Variants in TXNDC8 observed in about 807,000 individuals in gnomAD.
The protein encoded by TXNDC8 is thioredoxin domain containing 8.
TXNDC8 carries 15 observed loss-of-function variants against 12.9 expected under a neutral mutation model. That is an observed-to-expected ratio of 1.16 (90% CI 0.78 to 1.79). TXNDC8 has a LOEUF of 1.79. Among genes scored for constraint, TXNDC8 ranks in the 40% most tolerant of loss-of-function variants. The probability of loss-of-function intolerance (pLI) is 0.00; values close to 1 mark genes in which losing one functional copy is unlikely to be tolerated. For missense variants in TXNDC8, 128 were observed against 113.2 expected, an observed-to-expected ratio of 1.13 and a Z score of -0.59; for synonymous variants, 40 against 35.4, an observed-to-expected ratio of 1.13 and a Z score of -0.46.
At chr9:110,303,469 T>C, downstream of TXNDC8, 1 of 1,502,412 alleles carries the variant, frequency 6.7e-7, no homozygotes, top group Non-Finnish European at 9.0e-7. Context: ...CACAAACACA[T>C]TTGCTCTTGC....
intron 3 of TXNDC8, among the ~76,000 whole-genome samples, chr9:110,306,056 G>A (rs1298142228): frequency 2.0e-5 from 3 of 151,900 alleles, no homozygotes; most frequent in African/African-American, 7.3e-5. Flanking sequence ...TAGCAGAAAC[G>A]GGCTTTCACC....
rs60564039 is a variant in TXNDC8 at position 110,321,724 on chromosome 9, G to GAAAAA, written c.195+4446_195+4450dup. 2.5e-3 allele frequency among the ~76,000 whole-genome samples: 356 copies of GAAAAA among 141,764 alleles called. 1 individual carries two copies. In the East Asian group the frequency reaches 0.037, roughly 15 times the overall value. The allele number at this position is 141,764 out of a possible 152,430, so 93.0% of individuals were successfully genotyped here. ...CGGACACCTTCCTAGTCAGTTCTATGAAAAAAAAAAAAAAAGGAAATTTAT... is the reference window on the plus strand; with the variant it reads ...CGGACACCTTCCTAGTCAGTTCTATGAAAAAAAAAAAAAAAAAAAAGGAAATTTAT... On this transcript the variant is annotated intron_variant, in intron 3 of 4. Coordinates refer to ENST00000423740, the MANE Select transcript of TXNDC8 (RefSeq NM_001286946.2).
At chr9:110,318,693 G>T (rs913741804) in intron 3 of TXNDC8, among the ~76,000 whole-genome samples, 12 of 151,854 alleles carry the variant, frequency 7.9e-5, no homozygotes, top group Non-Finnish European at 2.9e-5. Flanking sequence ...AGCTGAGATA[G>T]TGCCACTGCC....
At chr9:110,310,653 G>A (rs1838631010) in intron 3 of TXNDC8, among the ~76,000 whole-genome samples, 1 of 152,144 alleles carries the variant, frequency 6.6e-6, no homozygotes, top group Non-Finnish European at 1.5e-5. Context: ...CTAGCCAAAT[G>A]CTTTTTCAAG....
chr9:110,329,327 G>A (rs773425180), intron 2 of TXNDC8, 36 bp from the exon 3 acceptor site: 15 of 1,529,094 alleles, frequency 9.8e-6, no homozygotes, highest in Non-Finnish European at 1.3e-5. Flanking sequence ...CCATTAGTTT[G>A]GTGTTAATAT....
intron 3 of TXNDC8, among the ~76,000 whole-genome samples, chr9:110,321,382 C>A (rs1400784514): frequency 6.6e-6 from 1 of 152,186 alleles, no homozygotes; most frequent in African/African-American, 2.4e-5. Context: ...GAGTATTCTC[C>A]TAACTCTTGT....
At position 110,334,247 on chromosome 9, in the gene TXNDC8, C is replaced by A; in HGVS notation, c.98G>T (p.Gly33Val). The stretch of plus-strand genomic sequence containing the variant: ...AACAGGAAACATCCTTTTGCAGGGA[C>A]CACACCGTTTCGAAGAAAATTGAAC... Residue 33 changes from glycine to valine, a missense_variant, in exon 2 of 5, where the codon GGT becomes GTT. By Grantham distance (109) the Gly-to-Val change is moderately radical. Transcript: ENST00000423740. 6.2e-7 allele frequency: 1 copy of A among 1,613,720 alleles called. No homozygotes were observed. Among genetic ancestry groups the A allele is most frequent in the Non-Finnish European group, 8.5e-7 (1 of 1,179,694 alleles).
chr9:110,334,244 G>A lies in TXNDC8; in HGVS notation c.101C>T (p.Pro34Leu). 1.2e-6 allele frequency: 2 copies of A among 1,613,234 alleles called. No individual in the cohort carries two copies. Among genetic ancestry groups the A allele is most frequent in the Non-Finnish European group, 1.7e-6 (2 of 1,179,322 alleles). Residue 34 changes from proline (P) to leucine (L), a missense_variant, in exon 2 of 5, where the codon CCC becomes CTC. By Grantham distance (98) the Pro-to-Leu change is moderately conservative. Transcript: ENST00000423740. The stretch of plus-strand genomic sequence containing the variant: ...GAAAACAGGAAACATCCTTTTGCAG[G>A]GACCACACCGTTTCGAAGAAAATTG...
intron 2 of TXNDC8, among the ~76,000 whole-genome samples, chr9:110,327,457 G>A (rs1488048857): frequency 6.6e-6 from 1 of 151,980 alleles, no homozygotes; most frequent in Non-Finnish European, 1.5e-5. Flanking sequence ...CAAGTAGCTG[G>A]GATTACAGGT....
intron 4 of TXNDC8, among the ~76,000 whole-genome samples, chr9:110,304,106 A>G (rs1452392481): frequency 6.6e-6 from 1 of 152,218 alleles, no homozygotes; most frequent in Non-Finnish European, 1.5e-5. Flanking sequence ...CACTTGGAAC[A>G]CTTCTTAGTG....
At chr9:110,311,521 G>GTCTA (rs1554702024) in intron 3 of TXNDC8, among the ~76,000 whole-genome samples, 1 of 41,220 alleles carries the variant, frequency 2.4e-5, no homozygotes, top group African/African-American at 6.0e-5. Flanking sequence ...AAATAAAGAG[G>GTCTA]TATATATATA....
At chr9:110,325,513 C>CTTTT (rs201113003) in intron 3 of TXNDC8, among the ~76,000 whole-genome samples, 11 of 117,552 alleles carry the variant, frequency 9.4e-5, no homozygotes, top group South Asian at 2.8e-4. Flanking sequence ...CTTGTATACA[C>CTTTT]TTTTTTTTTT....
At chr9:110,319,133 AC>A (rs1183111677) in intron 3 of TXNDC8, among the ~76,000 whole-genome samples, 2 of 152,140 alleles carry the variant, frequency 1.3e-5, no homozygotes, top group African/African-American at 4.8e-5. Flanking sequence ...GTTGATAGGA[AC>A]CCCTTTTAGG....
Position 110,329,507 on chromosome 9 carries a change from C to A in TXNDC8, c.130-3267G>T, listed in dbSNP as rs536974218. 4.6e-5 allele frequency among the ~76,000 whole-genome samples: 7 copies of A among 152,298 alleles called. No homozygotes were observed. In the South Asian group the frequency reaches 1.5e-3, roughly 32 times the overall value. ...ATGATGTAAGGACCAGTGGCAGAAG[C>A]AGAGTCAAAGAACCAAACTGAAGAT... On this transcript the variant is annotated intron_variant, in intron 2 of 4. Transcript: ENST00000423740.
chr9:110,323,640 A>G (rs1450798477), intron 3 of TXNDC8: 1 of 368,296 alleles, frequency 2.7e-6, no homozygotes, highest in Non-Finnish European at 4.5e-6. Flanking sequence ...TTGGGTTGCA[A>G]GTGACAGAGA....
In TXNDC8 at chr9:110,304,372, C is replaced by A. The variant is rs1838343994; in HGVS notation, c.261+95G>T. The stretch of plus-strand genomic sequence containing the variant: ...CCCCACACCAAAGGCTTCTGCTTCT[C>A]CAGGCAGCAGCATTCTGCCTGAGTG... On this transcript the variant is annotated intron_variant, in intron 4 of 4. Transcript: ENST00000423740. 2.7e-6 allele frequency: 3 copies of A among 1,127,552 alleles called. No individual in the cohort carries two copies. In the South Asian group the frequency reaches 4.7e-5, roughly 18 times the overall value. 69.8% of individuals were successfully genotyped at this position (1,127,552 alleles called of 1,614,324 possible).
At chr9:110,305,542 TTCTTTTTC>T in intron 3 of TXNDC8, among the ~76,000 whole-genome samples, 1 of 142,186 alleles carries the variant, frequency 7.0e-6, no homozygotes, top group South Asian at 2.2e-4. Flanking sequence ...TGCATGTATT[TTCTTTTTC>T]TTTCTTTCTT....
chr9:110,332,097 G>A (rs1483943105), intron 2 of TXNDC8, among the ~76,000 whole-genome samples: 1 of 152,234 alleles, frequency 6.6e-6, no homozygotes, highest in East Asian at 1.9e-4. Context: ...CTGTTCTGAA[G>A]AGTGGTTAAA....
At chr9:110,305,825 TC>T (rs1838446382) in intron 3 of TXNDC8, among the ~76,000 whole-genome samples, 1 of 142,098 alleles carries the variant, frequency 7.0e-6, no homozygotes, top group South Asian at 2.3e-4. Context: ...TCCTTTCCTT[TC>T]CTTTCTTTTC....
Sources: gnomAD v4.1 joint callset for allele counts (sites outside exome capture counted in the v4.1 genomes callset) on GRCh38, gnomAD v4.1.1 for gene constraint, MANE v1.5 for transcripts, NCBI Gene and HGNC (gene_info 2026-07-23, HGNC 2026-07-21) for gene names.